RPL24: variants seen among roughly 807,000 people sequenced by gnomAD.
RPL24 encodes large ribosomal subunit protein eL24.
Under a neutral mutation model 26.4 loss-of-function variants are expected in RPL24, and 7 were observed. That is an observed-to-expected ratio of 0.27 (90% CI 0.15 to 0.50). RPL24 has a LOEUF of 0.50. RPL24 is among the 20% of genes least tolerant of loss of function. The pLI is 0.98. For synonymous variants in RPL24, 67 were observed against 65.2 expected (o/e 1.03, Z -0.13); for missense variants, 109 against 194.9 (o/e 0.56, Z 2.62).
Position 101,686,397 on chromosome 3 carries a change from G to A in RPL24, c.81+85C>T, listed in dbSNP as rs934049380. 7.0e-5 allele frequency: 82 copies of A among 1,173,618 alleles called. 1 individual carries two copies. The Middle Eastern group carries it at 7.9e-4, about 11-fold the overall frequency. 72.7% of individuals were successfully genotyped at this position (1,173,618 alleles called of 1,614,324 possible). A position where few individuals can be genotyped will look rare whatever the true frequency, so the allele number is the denominator to read the frequency against. On this transcript the variant is annotated intron_variant, in intron 2 of 5. Transcript: ENST00000394077. ...ACTTCCAGAGGCCAGTGGTGATGTG[G>A]GGAATAAACCCGCCTAAACCGAATT...
At chr3:101,684,267 G>C (rs1264940709) in intron 3 of RPL24, among the ~76,000 whole-genome samples, 1 of 151,806 alleles carries the variant, frequency 6.6e-6, no homozygotes, top group African/African-American at 2.4e-5. Flanking sequence ...CTGGGTTCAA[G>C]CTATTCTCCT....
intron 3 of RPL24, 54 bp from the exon 4 acceptor site, chr3:101,682,961 G>A (rs1051903669): frequency 7.8e-6 from 12 of 1,540,786 alleles, no homozygotes; most frequent in South Asian, 7.2e-5. Context: ...AGAATTTAGA[G>A]GGAGGAAAAA....
In RPL24 at chr3:101,682,355, A is replaced by C. The variant is rs1937274892; in HGVS notation, c.393+74T>G. ...CACTGCACCCCATCCTGGGCAACAG[A>C]GCAAGACTCCGTCTCAAAAAAAGAA... On this transcript the variant is annotated intron_variant, in intron 5 of 5. Transcript: ENST00000394077. 6 of 1,184,266 alleles carry C rather than the reference A, an allele frequency of 5.1e-6. No homozygotes were observed. In the East Asian group the frequency reaches 1.4e-4, roughly 28 times the overall value. The allele number at this position is 1,184,266 out of a possible 1,614,324, so 73.4% of individuals were successfully genotyped here. A position where few individuals can be genotyped will look rare whatever the true frequency, so the allele number is the denominator to read the frequency against.
chr3:101,682,234 C>T (rs1202886634), intron 5 of RPL24, 195 bp downstream of exon 5: 21 of 568,288 alleles, frequency 3.7e-5, no homozygotes, highest in Non-Finnish European at 6.4e-5. Context: ...GGCGTGATGG[C>T]GCGCACCTGT....
intron 3 of RPL24, among the ~76,000 whole-genome samples, chr3:101,684,582 G>A (rs997482996): frequency 8.6e-5 from 13 of 151,912 alleles, no homozygotes; most frequent in Non-Finnish European, 1.3e-4. Context: ...AATCTGAGAC[G>A]AAATTGGGCA....
chr3:101,684,541 G>A (rs945770266), intron 3 of RPL24, among the ~76,000 whole-genome samples: 1 of 151,994 alleles, frequency 6.6e-6, no homozygotes, highest in Admixed American at 6.6e-5. Context: ...TACTTTGGGT[G>A]GCCAAGGCAG....
chr3:101,681,283 TC>T, intron 5 of RPL24, 68 bp from the exon 6 acceptor site: 1 of 1,055,158 alleles, frequency 9.5e-7, no homozygotes. Flanking sequence ...ATCTCTCACA[TC>T]CAGATTGTTT....
intron 3 of RPL24, among the ~76,000 whole-genome samples, chr3:101,684,813 A>AAAAAAAAAAAAAAAAAAAAAAC (rs1937312670): frequency 7.5e-6 from 1 of 134,058 alleles, no homozygotes; most frequent in Non-Finnish European, 1.6e-5. Flanking sequence ...AAAAAAAAAA[A>AAAAAAAAAAAAAAAAAAAAAAC]GGTATAGTGG....
intron 5 of RPL24, 83 bp from the exon 6 acceptor site, chr3:101,681,298 T>G (rs1937259391): frequency 1.1e-6 from 1 of 921,426 alleles, no homozygotes. Context: ...ATTGTTTATG[T>G]AGCTTAGATC....
intron 2 of RPL24, 77 bp downstream of exon 2, chr3:101,686,405 A>G: frequency 1.5e-6 from 2 of 1,310,400 alleles, no homozygotes; most frequent in Non-Finnish European, 1.1e-6. Context: ...TGGGGAATAA[A>G]CCCGCCTAAA....
intron 5 of RPL24, 198 bp from the exon 6 acceptor site, chr3:101,681,413 C>T: frequency 1.7e-6 from 1 of 574,242 alleles, no homozygotes; most frequent in Non-Finnish European, 3.2e-6. Flanking sequence ...ACTAAGATAC[C>T]CTCACAGACT....
intron 3 of RPL24, among the ~76,000 whole-genome samples, chr3:101,684,877 CTTTT>C (rs55805152): frequency 1.5e-5 from 2 of 133,880 alleles, no homozygotes; most frequent in African/African-American, 2.8e-5. Context: ...ATCTAAATAA[CTTTT>C]TTTTTTTTTA....
intron 3 of RPL24, among the ~76,000 whole-genome samples, chr3:101,684,776 C>CAAAAAAAAAAAAAAAAAAAAAAAAAAAA (rs57278210): frequency 2.4e-4 from 13 of 53,210 alleles, no homozygotes; most frequent in East Asian, 7.1e-4. Flanking sequence ...CCTGTCTCCC[C>CAAAAAAAAAAAAAAAAAAAAAAAAAAAA]AAAAAAAAAA....
intron 3 of RPL24, among the ~76,000 whole-genome samples, chr3:101,685,051 G>T (rs1210513885): frequency 6.6e-6 from 1 of 151,966 alleles, no homozygotes; most frequent in Non-Finnish European, 1.5e-5. Context: ...AAGTGGAACT[G>T]CTGGGATAAT....
intron 4 of RPL24, 117 bp from the exon 5 acceptor site, chr3:101,682,609 CCATT>C: frequency 8.9e-7 from 1 of 1,119,044 alleles, no homozygotes. Flanking sequence ...TTCCCTACCT[CCATT>C]TATTTGTAGG....
chr3:101,683,970 C>G (rs1322396781), intron 3 of RPL24, among the ~76,000 whole-genome samples: 1 of 151,962 alleles, frequency 6.6e-6, no homozygotes, highest in Non-Finnish European at 1.5e-5. Context: ...CCTTGGCCTC[C>G]CCAAGTGGTA....
Position 101,686,664 on chromosome 3 carries a change from G to T in RPL24, c.5+8C>A, listed in dbSNP as rs74720437. ...GTAAGCGGATTGGGAACCACGGGTC[G>T]TGCTTACTTCATGGCGACAGCTCCA... On this transcript the variant is annotated splice_region_variant and intron_variant, in intron 1 of 5. Transcript: ENST00000394077. The T allele has an allele frequency of 2.5e-6, 4 of 1,614,114 alleles. No homozygotes were observed. Among genetic ancestry groups the T allele is most frequent in the African/African-American group, 1.3e-5 (1 of 74,950 alleles).
At chr3:101,682,345 TG>T in intron 5 of RPL24, 83 bp downstream of exon 5, 1 of 1,095,374 alleles carries the variant, frequency 9.1e-7, no homozygotes, top group Non-Finnish European at 1.4e-6. Flanking sequence ...CACCCCATCC[TG>T]GGCAACAGAG....
chr3:101,685,638 G>C (rs751658809), intron 3 of RPL24, among the ~76,000 whole-genome samples, 180 bp downstream of exon 3: 5 of 152,194 alleles, frequency 3.3e-5, no homozygotes, highest in Non-Finnish European at 5.9e-5. Context: ...ACTCGGTATT[G>C]CTACTAGCCT....
Sources: allele counts gnomAD v4.1 joint callset (sites outside exome capture counted in the v4.1 genomes callset), GRCh38; gene constraint gnomAD v4.1.1; transcripts MANE v1.5; gene names NCBI Gene and HGNC (gene_info 2026-07-23, HGNC 2026-07-21).